PCDHGA7: variants seen among roughly 807,000 people sequenced by gnomAD.
PCDHGA7 encodes protocadherin gamma-A7.
PCDHGA7 carries 44 observed loss-of-function variants against 58.3 expected under a neutral mutation model. The observed-to-expected ratio is 0.75, with a 90% CI of 0.59 to 0.97. The LOEUF is 0.97. Among genes scored for constraint, PCDHGA7 ranks in the 50% least tolerant of loss-of-function variants. PCDHGA7 has a pLI of 0.00. For synonymous variants in PCDHGA7, 516 were observed against 504.2 expected (o/e 1.02, Z -0.31); for missense variants, 1,266 against 1,188.7 (o/e 1.06, Z -0.96).
At chr5:141,449,566 G>A (rs1235137244) in intron 1 of PCDHGA7, among the ~76,000 whole-genome samples, 4 of 147,126 alleles carry the variant, frequency 2.7e-5, no homozygotes, top group East Asian at 4.0e-4. Context: ...TCCAGCCTGG[G>A]CGACAGAGCA....
At chr5:141,500,094 A>C (rs2099796337) in intron 2 of PCDHGA7, among the ~76,000 whole-genome samples, 1 of 151,860 alleles carries the variant, frequency 6.6e-6, no homozygotes, top group South Asian at 2.1e-4. Context: ...CCATTTTTGC[A>C]ATTTATTTGT....
chr5:141,491,114 C>T lies in PCDHGA7; in HGVS notation c.2425-3693C>T, dbSNP rs1240431232. 1 of 1,614,104 alleles carries T rather than the reference C, an allele frequency of 6.2e-7. No homozygotes were observed. Among genetic ancestry groups the T allele is most frequent in the Admixed American group, 1.7e-5 (1 of 60,012 alleles). ...GGACTGTTCCTCGTGTCTACACACA[C>T]TGGTGAGGTGCGCACAGCCCGGGCC... On this transcript the variant is annotated intron_variant, in intron 1 of 3. Transcript: ENST00000518325. The surrounding 1 kb of genome is among the most constrained non-coding windows in gnomAD (Gnocchi z 6.9).
chr5:141,386,695 A>G (rs2090674224), intron 1 of PCDHGA7, among the ~76,000 whole-genome samples: 1 of 152,168 alleles, frequency 6.6e-6, no homozygotes, highest in Non-Finnish European at 1.5e-5. Flanking sequence ...CACTTGGGGT[A>G]GAAGACAATG....
Position 141,432,811 on chromosome 5 carries a change from T to G in PCDHGA7, c.2424+47488T>G. Reference sequence around the variant, plus strand: ...GCAGCCTCGAGTCTCCAGCTAACTCTGAAACCTCAGACCTCACTCTGTACC... The same window carrying G: ...GCAGCCTCGAGTCTCCAGCTAACTCGGAAACCTCAGACCTCACTCTGTACC... On this transcript the variant is annotated intron_variant, in intron 1 of 3. Transcript: ENST00000518325. The surrounding 1 kb of genome is among the most constrained non-coding windows in gnomAD (Gnocchi z 6.0). 1 of 1,614,126 alleles carries G rather than the reference T, an allele frequency of 6.2e-7. No homozygotes were observed. Among genetic ancestry groups the G allele is most frequent in the Non-Finnish European group, 8.5e-7 (1 of 1,179,988 alleles).
Position 141,432,108 on chromosome 5 carries a change from C to G in PCDHGA7, c.2424+46785C>G. ...GTGGCAGACACCAACGACAACCCGC[C>G]GGTCTTCCCTCAGGCCTCCTATTCC... On this transcript the variant is annotated intron_variant, in intron 1 of 3. Coordinates refer to ENST00000518325, the MANE Select transcript of PCDHGA7 (RefSeq NM_018920.4). The surrounding 1 kb of genome is among the most constrained non-coding windows in gnomAD (Gnocchi z 6.0). 4 of 1,614,180 alleles carry G rather than the reference C, an allele frequency of 2.5e-6. No homozygotes were observed. The highest frequency in any genetic ancestry group is 3.4e-6 in the Non-Finnish European group (4 of 1,180,046).
rs1299162270 is a variant in PCDHGA7 at position 141,413,906 on chromosome 5, C to T, written c.2424+28583C>T. ...GTCTTCGATGCAAATGACAACGCGC[C>T]GGTCTTCACCTTGCCAGAATACCGA... On this transcript the variant is annotated intron_variant, in intron 1 of 3. Transcript: ENST00000518325. The T allele has an allele frequency of 1.9e-6, 3 of 1,613,190 alleles. No homozygotes were observed. The highest frequency in any genetic ancestry group is 1.7e-6 in the Non-Finnish European group (2 of 1,179,870).
At chr5:141,419,475 C>G (rs775720158) in intron 1 of PCDHGA7, 2 of 1,612,266 alleles carry the variant, frequency 1.2e-6, no homozygotes, top group Admixed American at 1.7e-5. Context: ...GACCAGGGCT[C>G]GCCCGCGCTC....
chr5:141,410,505 A>T (rs2095401601), intron 1 of PCDHGA7: 1 of 1,613,848 alleles, frequency 6.2e-7, no homozygotes, highest in Non-Finnish European at 8.5e-7. Flanking sequence ...AATTTCCTAA[A>T]ATGCAGTGTG....
chr5:141,404,572 A>G (rs755182149), intron 1 of PCDHGA7: 79 of 1,613,728 alleles, frequency 4.9e-5, no homozygotes, highest in Non-Finnish European at 6.0e-5. Context: ...GTGGAAGCCC[A>G]CCACTTAGCA....
chr5:141,485,949 T>C lies in PCDHGA7; in HGVS notation c.2425-8858T>C. Reference sequence around the variant, plus strand: ...GTGTTGGAGAGCGCACCAGCGGGCATGGTGCTCATCCAGCTCAATGCCTCA... The same window carrying C: ...GTGTTGGAGAGCGCACCAGCGGGCACGGTGCTCATCCAGCTCAATGCCTCA... On this transcript the variant is annotated intron_variant, in intron 1 of 3. Transcript: ENST00000518325. This position sits in a 1 kb window ranked among gnomAD's most constrained non-coding sequence, Gnocchi z 5.7. 2 of 1,614,178 alleles carry C rather than the reference T, an allele frequency of 1.2e-6. No individual in the cohort carries two copies.
chr5:141,435,737 T>C (rs944951200), intron 1 of PCDHGA7, among the ~76,000 whole-genome samples: 1 of 152,202 alleles, frequency 6.6e-6, no homozygotes, highest in Non-Finnish European at 1.5e-5. Context: ...TATTACTCTT[T>C]GAAAAGCATT....
intron 1 of PCDHGA7, among the ~76,000 whole-genome samples, chr5:141,470,290 C>T (rs1226383020): frequency 1.3e-5 from 2 of 152,148 alleles, no homozygotes; most frequent in Non-Finnish European, 2.9e-5. Context: ...TATTGGTTAA[C>T]TGTTTTTATT....
At chr5:141,408,687 T>C (rs1394182828) in intron 1 of PCDHGA7, 3 of 1,613,928 alleles carry the variant, frequency 1.9e-6, no homozygotes, top group East Asian at 2.2e-5. Flanking sequence ...GATCCTGATA[T>C]AAACATAAAC....
At position 141,491,960 on chromosome 5, in the gene PCDHGA7, A is replaced by T. The variant is rs1380758016; in HGVS notation, c.2425-2847A>T. The T allele has an allele frequency of 1.0e-6, 1 of 984,842 alleles. No individual in the cohort carries two copies. The highest frequency in any genetic ancestry group is 3.0e-5 in the East Asian group (1 of 33,312). 61.0% of individuals were successfully genotyped at this position (984,842 alleles called of 1,614,324 possible). A position where few individuals can be genotyped will look rare whatever the true frequency, so the allele number is the denominator to read the frequency against. On this transcript the variant is annotated intron_variant, in intron 1 of 3. Coordinates refer to ENST00000518325, the MANE Select transcript of PCDHGA7 (RefSeq NM_018920.4). The surrounding 1 kb of genome is among the most constrained non-coding windows in gnomAD (Gnocchi z 6.9). ...CGACCCCCACCCCTACACTCAAAAA[A>T]GGCCGGGGCCTCCTTCGAGCTTCCG...
chr5:141,482,995 G>A (rs1395482427), intron 1 of PCDHGA7, among the ~76,000 whole-genome samples: 1 of 152,048 alleles, frequency 6.6e-6, no homozygotes, highest in Non-Finnish European at 1.5e-5. Flanking sequence ...CGAGGCAGGA[G>A]AATTGCTTGA....
At position 141,477,023 on chromosome 5, in the gene PCDHGA7, A is replaced by T. The variant is rs763926460; in HGVS notation, c.2425-17784A>T. ...ATTCGCCTTAGACCTTGTAACCGGG[A>T]TGCTGACAATCAAGGGTCGGCTGGA... is the stretch of plus-strand genomic sequence containing the variant. On this transcript the variant is annotated intron_variant, in intron 1 of 3. Transcript: ENST00000518325. The surrounding 1 kb of genome is among the most constrained non-coding windows in gnomAD (Gnocchi z 4.9). 6.2e-7 allele frequency: 1 copy of T among 1,614,240 alleles called. No homozygotes were observed. The highest frequency in any genetic ancestry group is 8.5e-7 in the Non-Finnish European group (1 of 1,180,040).
intron 1 of PCDHGA7, chr5:141,405,646 T>G: frequency 1.9e-6 from 1 of 526,208 alleles, no homozygotes; most frequent in East Asian, 3.2e-5. Flanking sequence ...GGCTAATTTT[T>G]TGTGTGTTTT....
Position 141,477,626 on chromosome 5 carries a change from G to C in PCDHGA7, c.2425-17181G>C. The C allele has an allele frequency of 1.2e-6, 2 of 1,614,170 alleles. No homozygotes were observed. Among genetic ancestry groups the C allele is most frequent in the Non-Finnish European group, 1.7e-6 (2 of 1,180,036 alleles). ...TCTCTTGGAGCAAGGAGCTGAAACCGGGCTAGTGGGTCGCTATTTCACAAT... is the reference window on the plus strand; with the variant it reads ...TCTCTTGGAGCAAGGAGCTGAAACCCGGCTAGTGGGTCGCTATTTCACAAT... On this transcript the variant is annotated intron_variant, in intron 1 of 3. Transcript: ENST00000518325. The surrounding 1 kb of genome is among the most constrained non-coding windows in gnomAD (Gnocchi z 4.9).
intron 1 of PCDHGA7, chr5:141,414,590 G>A: frequency 6.2e-7 from 1 of 1,613,936 alleles, no homozygotes; most frequent in Non-Finnish European, 8.5e-7. Flanking sequence ...AACGCCAGGG[G>A]TGCCTCCATC....
Sources: allele counts gnomAD v4.1 joint callset (sites outside exome capture counted in the v4.1 genomes callset), GRCh38; gene constraint gnomAD v4.1.1; non-coding constraint Gnocchi (gnomAD v3.1); transcripts MANE v1.5; gene names NCBI Gene and HGNC (gene_info 2026-07-23, HGNC 2026-07-21).